CAMTA1: variants seen among roughly 807,000 people sequenced by gnomAD.
CAMTA1 encodes the protein calmodulin-binding transcription activator 1.
Under a neutral mutation model 170.9 loss-of-function variants are expected in CAMTA1, and 27 were observed. The observed-to-expected ratio is 0.16, with a 90% CI of 0.12 to 0.22. The LOEUF (loss-of-function observed/expected upper bound fraction) is 0.22, where lower values mean the gene tolerates loss of function less well. Ranked by LOEUF, CAMTA1 falls within the 10% of genes least tolerant of loss-of-function variation. The pLI is 1.00. For synonymous variants in CAMTA1, 833 were observed against 891.5 expected (o/e 0.93, Z 1.17); for missense variants, 1,619 against 2,217.2 (o/e 0.73, Z 5.42).
In CAMTA1 at chr1:7,580,340, G is replaced by C. The variant is rs950940770; in HGVS notation, c.511-60060G>C. Among the ~76,000 whole-genome samples the C allele has an allele frequency of 6.6e-6, 1 of 152,136 alleles. No homozygotes were observed. Among genetic ancestry groups the C allele is most frequent in the African/African-American group, 2.4e-5 (1 of 41,412 alleles). On this transcript the variant is annotated intron_variant, in intron 6 of 22. Coordinates refer to ENST00000303635, the MANE Select transcript of CAMTA1 (RefSeq NM_015215.4). The surrounding 1 kb of genome is among the most constrained non-coding windows in gnomAD (Gnocchi z 4.3). ...AGGTGGAGAAGAGGAGGAGCTTTCT[G>C]GAAGGAAGCCCTGTGAATGAGGGGA... is the stretch of plus-strand genomic sequence containing the variant.
chr1:6,817,397 A>T (rs1443354820), intron 1 of CAMTA1, among the ~76,000 whole-genome samples: 2 of 152,216 alleles, frequency 1.3e-5, no homozygotes, highest in Non-Finnish European at 2.9e-5. Context: ...TCATGTGATT[A>T]GTGGGCTGTT....
chr1:7,152,531 C>A (rs564706158), intron 4 of CAMTA1, among the ~76,000 whole-genome samples: 1 of 152,186 alleles, frequency 6.6e-6, no homozygotes, highest in African/African-American at 2.4e-5. Flanking sequence ...TGTGTTGAGG[C>A]CATCTCTGAG....
At chr1:7,725,678 A>C (rs1239149599) in intron 11 of CAMTA1, among the ~76,000 whole-genome samples, 1 of 152,212 alleles carries the variant, frequency 6.6e-6, no homozygotes, top group Non-Finnish European at 1.5e-5. Flanking sequence ...GGTTCTTGAA[A>C]TGTGGCCCTA....
chr1:7,380,625 T>G (rs2087221814), intron 5 of CAMTA1, among the ~76,000 whole-genome samples: 1 of 152,180 alleles, frequency 6.6e-6, no homozygotes, highest in Non-Finnish European at 1.5e-5. Flanking sequence ...ATTTCACCAC[T>G]TCTGGCCACT....
chr1:7,513,227 C>T (rs1361045655), intron 6 of CAMTA1, among the ~76,000 whole-genome samples: 2 of 152,134 alleles, frequency 1.3e-5, no homozygotes, highest in Non-Finnish European at 2.9e-5. Flanking sequence ...GTCAAGCCAC[C>T]GGCCTGCCAG....
chr1:6,850,765 G>A (rs1408398369), intron 3 of CAMTA1, among the ~76,000 whole-genome samples: 1 of 152,168 alleles, frequency 6.6e-6, no homozygotes, highest in East Asian at 1.9e-4. Context: ...GAAGCTGGAC[G>A]GCTGAACAGA....
At chr1:7,503,308 A>G (rs1208584175) in intron 6 of CAMTA1, among the ~76,000 whole-genome samples, 1 of 152,162 alleles carries the variant, frequency 6.6e-6, no homozygotes, top group African/African-American at 2.4e-5. Flanking sequence ...CAGATGGAGA[A>G]GTGGGATTAT....
chr1:7,667,061 G>C (rs941653300), intron 9 of CAMTA1, among the ~76,000 whole-genome samples: 21 of 152,164 alleles, frequency 1.4e-4, no homozygotes, highest in Non-Finnish European at 2.8e-4. Context: ...GCTAATTTTT[G>C]TATTTTTAGT....
intron 6 of CAMTA1, among the ~76,000 whole-genome samples, chr1:7,502,149 C>T (rs917212124): frequency 9.9e-5 from 15 of 152,200 alleles, no homozygotes; most frequent in African/African-American, 3.1e-4. Context: ...CAACGACAGC[C>T]CCGGAAGGCA....
intron 11 of CAMTA1, among the ~76,000 whole-genome samples, chr1:7,678,621 G>A (rs1271152717): frequency 1.3e-5 from 2 of 152,202 alleles, no homozygotes; most frequent in African/African-American, 2.4e-5. Flanking sequence ...CCAAGGCCTG[G>A]GGGGCTGAGC....
intron 3 of CAMTA1, among the ~76,000 whole-genome samples, chr1:6,986,747 G>A (rs1318520785): frequency 6.6e-6 from 1 of 152,096 alleles, no homozygotes; most frequent in Non-Finnish European, 1.5e-5. Context: ...TCTGTACCTG[G>A]TACCAAGTGG....
intron 3 of CAMTA1, among the ~76,000 whole-genome samples, chr1:7,004,456 T>C (rs1299036211): frequency 6.6e-6 from 1 of 152,174 alleles, no homozygotes; most frequent in Non-Finnish European, 1.5e-5. Context: ...GGTAGTCCCA[T>C]TTTATTGCTA....
intron 6 of CAMTA1, among the ~76,000 whole-genome samples, chr1:7,488,421 G>A (rs1047342834): frequency 6.6e-6 from 1 of 152,072 alleles, no homozygotes; most frequent in Admixed American, 6.5e-5. Flanking sequence ...GGAGCAAAGG[G>A]ACCCTGAGAG....
At chr1:7,055,174 G>A (rs1227466906) in intron 3 of CAMTA1, among the ~76,000 whole-genome samples, 1 of 152,164 alleles carries the variant, frequency 6.6e-6, no homozygotes, top group East Asian at 1.9e-4. Context: ...TGAAATTTGG[G>A]TGGAGACACA....
chr1:7,020,698 G>C (rs1370850845), intron 3 of CAMTA1, among the ~76,000 whole-genome samples: 1 of 152,238 alleles, frequency 6.6e-6, no homozygotes, highest in Admixed American at 6.5e-5. Flanking sequence ...GCTGCAAATT[G>C]TGGGCTTAGC....
chr1:6,978,462 T>C (rs997454706), intron 3 of CAMTA1, among the ~76,000 whole-genome samples: 1 of 151,946 alleles, frequency 6.6e-6, no homozygotes, highest in Non-Finnish European at 1.5e-5. Flanking sequence ...GGTGAAACTC[T>C]GTCTCTATTA....
intron 22 of CAMTA1, among the ~76,000 whole-genome samples, chr1:7,760,908 A>G (rs2096970044): frequency 1.3e-5 from 2 of 152,200 alleles, no homozygotes; most frequent in Non-Finnish European, 2.9e-5. Flanking sequence ...AGTAGATGTA[A>G]TGAAGCAGCT....
intron 5 of CAMTA1, among the ~76,000 whole-genome samples, chr1:7,261,773 A>G (rs1235847664): frequency 1.3e-5 from 2 of 152,244 alleles, no homozygotes; most frequent in African/African-American, 4.8e-5. Context: ...AATGATGAAT[A>G]ACAAGCCCAC....
intron 4 of CAMTA1, among the ~76,000 whole-genome samples, chr1:7,149,329 C>T (rs1431613186): frequency 6.6e-6 from 1 of 152,226 alleles, no homozygotes; most frequent in African/African-American, 2.4e-5. Context: ...CACCGTGGTT[C>T]ACGGAAGGTT....
Sources: allele counts gnomAD v4.1 joint callset (sites outside exome capture counted in the v4.1 genomes callset), GRCh38; gene constraint gnomAD v4.1.1; non-coding constraint Gnocchi (gnomAD v3.1); transcripts MANE v1.5; gene names NCBI Gene and HGNC (gene_info 2026-07-23, HGNC 2026-07-21).